Variants in GRAMD1C observed in about 807,000 individuals in gnomAD.
GRAMD1C encodes protein Aster-C.
In GRAMD1C, 89 loss-of-function variants were observed where a neutral mutation model predicts 97.8. The ratio of observed to expected loss-of-function variants is 0.91; its 90% confidence interval spans 0.77 to 1.09. The LOEUF (loss-of-function observed/expected upper bound fraction) is 1.09, where lower values mean the gene tolerates loss of function less well. Ranked by LOEUF, GRAMD1C falls within the 50% of genes least tolerant of loss-of-function variation. The pLI is 0.00. For missense variants in GRAMD1C, 740 were observed against 766.4 expected, an observed-to-expected ratio of 0.97 and a Z score of 0.41; for synonymous variants, 256 against 267.0, an observed-to-expected ratio of 0.96 and a Z score of 0.40.
intron 10 of GRAMD1C, among the ~76,000 whole-genome samples, chr3:113,924,260 A>AT (rs921258627): frequency 5.9e-5 from 9 of 151,848 alleles, no homozygotes; most frequent in Admixed American, 4.6e-4. Context: ...GGTTTTTCAC[A>AT]TATCAATTTC....
Position 113,869,566 on chromosome 3 carries a change from A to C in GRAMD1C, c.234A>C (p.Leu78=). 3 of 1,537,550 alleles carry C rather than the reference A, an allele frequency of 2.0e-6. No individual in the cohort carries two copies. Among genetic ancestry groups the C allele is most frequent in the Non-Finnish European group, 2.7e-6 (3 of 1,124,178 alleles). The part of the protein sequence containing the change: ...NEEYRRQFTH[L]PDTERLIADY... ...AATACAGAAGACAGTTCACACATCT[A>C]CCTGATACAGAGAGGCTGATAGCAG... Residue 78 remains leucine, a synonymous_variant, in exon 3 of 18, where the codon CTA becomes CTC. Transcript: ENST00000358160.
chr3:113,892,821 C>T (rs1425059777), intron 6 of GRAMD1C, among the ~76,000 whole-genome samples: 1 of 152,008 alleles, frequency 6.6e-6, no homozygotes, highest in Non-Finnish European at 1.5e-5. Context: ...TAGGCCCTTC[C>T]CACTCCACTC....
intron 2 of GRAMD1C, chr3:113,850,811 A>G (rs894059944): frequency 3.1e-6 from 2 of 653,450 alleles, no homozygotes; most frequent in Non-Finnish European, 2.3e-6. Flanking sequence ...TTTAATTTTT[A>G]TTTTTTTTGA....
intron 9 of GRAMD1C, 135 bp from the exon 10 acceptor site, chr3:113,915,566 T>G (rs1936779565): frequency 1.6e-6 from 1 of 625,058 alleles, no homozygotes; most frequent in Non-Finnish European, 2.8e-6. Context: ...CCTAGAATGT[T>G]CTCCTCATTG....
At chr3:113,907,895 C>T (rs956532378) in intron 8 of GRAMD1C, among the ~76,000 whole-genome samples, 3 of 152,078 alleles carry the variant, frequency 2.0e-5, no homozygotes, top group African/African-American at 7.2e-5. Flanking sequence ...GTTAAGGGGC[C>T]CCTGGTTTAG....
intron 3 of GRAMD1C, among the ~76,000 whole-genome samples, chr3:113,870,766 A>G (rs1004929959): frequency 6.6e-6 from 1 of 152,084 alleles, no homozygotes; most frequent in African/African-American, 2.4e-5. Flanking sequence ...TCATAATTAG[A>G]CAATGGAAAA....
At chr3:113,875,048 CTG>C (rs1934972215) in intron 3 of GRAMD1C, among the ~76,000 whole-genome samples, 1 of 152,240 alleles carries the variant, frequency 6.6e-6, no homozygotes, top group Non-Finnish European at 1.5e-5. Context: ...CTCAAATGTG[CTG>C]TGTTTCTTTT....
chr3:113,915,463 T>C (rs921616517), intron 9 of GRAMD1C, among the ~76,000 whole-genome samples: 4 of 152,230 alleles, frequency 2.6e-5, no homozygotes, highest in Admixed American at 2.0e-4. Flanking sequence ...GAAATATTGA[T>C]TATATGTAGT....
upstream of GRAMD1C, among the ~76,000 whole-genome samples, chr3:113,837,833 G>A (rs761604298): frequency 1.1e-4 from 16 of 152,234 alleles, no homozygotes; most frequent in Non-Finnish European, 1.8e-4. Context: ...GGTTGAGTCC[G>A]GGAGGTGGAG....
upstream of GRAMD1C, among the ~76,000 whole-genome samples, chr3:113,836,555 A>G (rs1445765965): frequency 6.6e-6 from 1 of 151,466 alleles, no homozygotes; most frequent in Non-Finnish European, 1.5e-5. Flanking sequence ...ATCCCCATGG[A>G]TAACAGGGAA....
intron 3 of GRAMD1C, among the ~76,000 whole-genome samples, chr3:113,872,365 T>A (rs1267438725): frequency 6.6e-6 from 1 of 151,466 alleles, no homozygotes; most frequent in Non-Finnish European, 1.5e-5. Context: ...TTTGCACTAC[T>A]ATGAATCCAC....
intron 2 of GRAMD1C, among the ~76,000 whole-genome samples, chr3:113,867,527 G>C (rs1934630871): frequency 6.6e-6 from 1 of 151,998 alleles, no homozygotes; most frequent in Non-Finnish European, 1.5e-5. Flanking sequence ...ATTGACCTTA[G>C]GTGATCCACC....
intron 2 of GRAMD1C, among the ~76,000 whole-genome samples, chr3:113,856,955 C>T (rs1253118296): frequency 6.6e-6 from 1 of 151,796 alleles, no homozygotes; most frequent in African/African-American, 2.4e-5. Context: ...CCTCATGCCT[C>T]AGCCTCCTGA....
intron 6 of GRAMD1C, chr3:113,886,169 C>G: frequency 2.1e-6 from 3 of 1,445,232 alleles, no homozygotes; most frequent in Non-Finnish European, 2.7e-6. Context: ...CCTCTCTGCC[C>G]TGGGAGCCCT....
intron 2 of GRAMD1C, among the ~76,000 whole-genome samples, chr3:113,851,891 T>C (rs2712335): frequency 1 from 151,738 of 151,970 alleles, 75,754 homozygotes; most frequent in Middle Eastern, 1. Flanking sequence ...TTATTTGAGG[T>C]GCAGTCTCAC....
Position 113,832,462 on chromosome 3 carries a change from A to C in GRAMD1C, n.98+4183A>C, listed in dbSNP as rs559787009. Among the ~76,000 whole-genome samples, 6 of 152,316 alleles carry C rather than the reference A, an allele frequency of 3.9e-5. No homozygotes were observed. In the East Asian group the frequency reaches 1.2e-3, roughly 29 times the overall value. On this transcript the variant is annotated intron_variant and non_coding_transcript_variant, in intron 1 of 18. Coordinates refer to the GRAMD1C transcript ENST00000479212. ...TATGTTATGGTAAAATATACACAAGATAAAATTAACCATTTTATCCATTTC... is the reference window on the plus strand; with the variant it reads ...TATGTTATGGTAAAATATACACAAGCTAAAATTAACCATTTTATCCATTTC...
intron 11 of GRAMD1C, among the ~76,000 whole-genome samples, chr3:113,932,319 G>A (rs546408825): frequency 6.6e-6 from 1 of 152,196 alleles, no homozygotes; most frequent in Non-Finnish European, 1.5e-5. Flanking sequence ...CGTAAGAAAA[G>A]TCTGGTATTT....
At chr3:113,843,379 T>C (rs1000040390) in intron 1 of GRAMD1C, among the ~76,000 whole-genome samples, 1 of 151,904 alleles carries the variant, frequency 6.6e-6, no homozygotes, top group Non-Finnish European at 1.5e-5. Context: ...GCCTGGCCCA[T>C]ATGCTTTTAT....
chr3:113,898,632 A>T (rs1936027512), intron 6 of GRAMD1C, among the ~76,000 whole-genome samples: 1 of 152,048 alleles, frequency 6.6e-6, no homozygotes, highest in South Asian at 2.1e-4. Flanking sequence ...TCTACCAAAT[A>T]AGGGGTATAC....
Sources: allele counts gnomAD v4.1 joint callset (sites outside exome capture counted in the v4.1 genomes callset), GRCh38; gene constraint gnomAD v4.1.1; transcripts MANE v1.5; gene names NCBI Gene and HGNC (gene_info 2026-07-23, HGNC 2026-07-21).